The following CSGALNACT2 variants were observed in gnomAD, a reference collection of about 807,000 sequenced individuals.
CSGALNACT2 encodes the protein beta 4 GalNAcT-2.
CSGALNACT2 carries 35 observed loss-of-function variants against 55.3 expected under a neutral mutation model. That is an observed-to-expected ratio of 0.63 (90% CI 0.48 to 0.84). The LOEUF is 0.84. CSGALNACT2 is among the 40% of genes least tolerant of loss of function. The probability of loss-of-function intolerance (pLI) is 0.00; values close to 1 mark genes in which losing one functional copy is unlikely to be tolerated. For synonymous variants in CSGALNACT2, 196 were observed against 224.9 expected (o/e 0.87, Z 1.15); for missense variants, 544 against 657.5 (o/e 0.83, Z 1.89).
intron 1 of CSGALNACT2, among the ~76,000 whole-genome samples, chr10:43,148,103 T>C (rs180676707): frequency 2.0e-5 from 3 of 152,320 alleles, no homozygotes; most frequent in African/African-American, 7.2e-5. Context: ...TTTCATTCTT[T>C]TGCCTGTAAA....
chr10:43,160,521 G>A lies in CSGALNACT2; in HGVS notation c.906G>A (p.Lys302=). 1 of 1,581,212 alleles carries A rather than the reference G, an allele frequency of 6.3e-7. No homozygotes were observed. The highest frequency in any genetic ancestry group is 8.7e-7 in the Non-Finnish European group (1 of 1,151,974). ...ATGTTTGTATTCATCAAGACAAGAA[G>A]ATTCATCTCACAGTGGTGTATTTTG... is the stretch of plus-strand genomic sequence containing the variant. ...FRDVCIHQDK[K]IHLTVVYFGK... Residue 302 remains lysine, a synonymous_variant, in exon 4 of 8, where the codon AAG becomes AAA. Coordinates refer to ENST00000374466, the MANE Select transcript of CSGALNACT2 (RefSeq NM_018590.5).
intron 6 of CSGALNACT2, among the ~76,000 whole-genome samples, chr10:43,171,703 T>G (rs1839386163): frequency 6.6e-6 from 1 of 152,208 alleles, no homozygotes; most frequent in South Asian, 2.1e-4. Flanking sequence ...GAAGAATGAT[T>G]TGAATGCTGA....
At chr10:43,172,695 A>G (rs1839405687) in intron 6 of CSGALNACT2, among the ~76,000 whole-genome samples, 1 of 152,244 alleles carries the variant, frequency 6.6e-6, no homozygotes. Flanking sequence ...ACCCTAACAG[A>G]TATGGCTGTT....
At chr10:43,145,435 A>G (rs1458977024) in intron 1 of CSGALNACT2, among the ~76,000 whole-genome samples, 2 of 22,102 alleles carry the variant, frequency 9.0e-5, no homozygotes, top group African/African-American at 5.1e-4. Context: ...TTTTTTTTTT[A>G]AGAGACAGGG....
At chr10:43,170,950 C>G (rs1487369659) in intron 6 of CSGALNACT2, among the ~76,000 whole-genome samples, 1 of 152,030 alleles carries the variant, frequency 6.6e-6, no homozygotes, top group Non-Finnish European at 1.5e-5. Flanking sequence ...GTCAGGGTCA[C>G]CAAAAACAAG....
chr10:43,169,412 G>T (rs1379912097), intron 6 of CSGALNACT2, among the ~76,000 whole-genome samples: 4 of 152,150 alleles, frequency 2.6e-5, no homozygotes, highest in African/African-American at 9.7e-5. Flanking sequence ...ATATCTTTGA[G>T]GAGATTAGAG....
chr10:43,180,188 CTT>C (rs972231026), intron 7 of CSGALNACT2, among the ~76,000 whole-genome samples: 9 of 152,224 alleles, frequency 5.9e-5, no homozygotes, highest in African/African-American at 9.6e-5. Context: ...AACTTAGACT[CTT>C]TATTTGGAGC....
chr10:43,164,091 TG>T, intron 5 of CSGALNACT2, 47 bp downstream of exon 5: 1 of 1,465,184 alleles, frequency 6.8e-7, no homozygotes, highest in Non-Finnish European at 9.4e-7. Flanking sequence ...TTTAGAACGT[TG>T]TCAGCATGTC....
chr10:43,163,624 G>A (rs184239356), intron 4 of CSGALNACT2: 7 of 985,228 alleles, frequency 7.1e-6, no homozygotes, highest in African/African-American at 1.7e-5. Flanking sequence ...AAGGTCAGTG[G>A]CCACTTTAAC....
intron 7 of CSGALNACT2, among the ~76,000 whole-genome samples, chr10:43,177,134 G>A (rs1363512564): frequency 6.6e-6 from 1 of 152,086 alleles, no homozygotes; most frequent in African/African-American, 2.4e-5. Flanking sequence ...AATAAAAGGG[G>A]CGTTAAATTA....
intron 3 of CSGALNACT2, among the ~76,000 whole-genome samples, chr10:43,160,280 G>A (rs917473353): frequency 6.6e-6 from 1 of 152,202 alleles, no homozygotes; most frequent in African/African-American, 2.4e-5. Context: ...TGAAATAATG[G>A]CAGCAATGTC....
At chr10:43,141,059 A>G (rs1838609573) in intron 1 of CSGALNACT2, among the ~76,000 whole-genome samples, 1 of 152,162 alleles carries the variant, frequency 6.6e-6, no homozygotes, top group Non-Finnish European at 1.5e-5. Flanking sequence ...AAAAAAAGCA[A>G]TTGATTCTTG....
At chr10:43,163,426 C>A in intron 4 of CSGALNACT2, 1 of 755,812 alleles carries the variant, frequency 1.3e-6, no homozygotes, top group Non-Finnish European at 1.6e-6. Flanking sequence ...TGGGAGGTGG[C>A]AGCTGCTTCT....
chr10:43,153,208 G>T (rs192952832), intron 1 of CSGALNACT2, among the ~76,000 whole-genome samples: 1 of 151,674 alleles, frequency 6.6e-6, no homozygotes, highest in Admixed American at 6.6e-5. Flanking sequence ...GGTGGCCGGC[G>T]CTTGTAGTCC....
At chr10:43,141,279 G>A (rs370277177) in intron 1 of CSGALNACT2, among the ~76,000 whole-genome samples, 10 of 151,672 alleles carry the variant, frequency 6.6e-5, no homozygotes, top group Admixed American at 4.6e-4. Context: ...GTGCAGTGGC[G>A]CCATCTCGGC....
intron 1 of CSGALNACT2, among the ~76,000 whole-genome samples, chr10:43,146,913 CTTA>C (rs994621692): frequency 6.9e-5 from 10 of 144,244 alleles, no homozygotes; most frequent in Non-Finnish European, 1.2e-4. Context: ...GTAGTGGTGT[CTTA>C]TTATGGTTTG....
At position 43,155,332 on chromosome 10, in the gene CSGALNACT2, A is replaced by C; in HGVS notation, c.183A>C (p.Leu61=). Residue 61 remains leucine, a synonymous_variant, in exon 2 of 8, where the codon CTA becomes CTC. Coordinates refer to ENST00000374466, the MANE Select transcript of CSGALNACT2 (RefSeq NM_018590.5). ...GTAAAGAGTATTATCAAGCCCTCCT[A>C]CAGGAACAAGAAGAACATTATCAGA... ...NYGKEYYQAL[L]QEQEEHYQTR... 6.2e-7 allele frequency: 1 copy of C among 1,614,162 alleles called. No homozygotes were observed. The highest frequency in any genetic ancestry group is 8.5e-7 in the Non-Finnish European group (1 of 1,180,028).
intron 1 of CSGALNACT2, among the ~76,000 whole-genome samples, chr10:43,146,132 A>C (rs1838741983): frequency 6.6e-6 from 1 of 152,216 alleles, no homozygotes; most frequent in Non-Finnish European, 1.5e-5. Context: ...TCACAAGGTG[A>C]AGTCCCATGA....
At position 43,184,902 on chromosome 10, in the gene CSGALNACT2, A is replaced by G. The variant is rs1839666393; in HGVS notation, c.*1360A>G. 1 of 152,196 alleles carries G rather than the reference A, an allele frequency of 6.6e-6. No individual in the cohort carries two copies. The highest frequency in any genetic ancestry group is 6.5e-5 in the Admixed American group (1 of 15,280). The allele number at this position is 152,196 out of a possible 1,614,324, so 9.4% of individuals were successfully genotyped here. On this transcript the variant is annotated 3_prime_UTR_variant, in exon 8 of 8. Coordinates refer to ENST00000374466, the MANE Select transcript of CSGALNACT2 (RefSeq NM_018590.5). ...CTCAGTAAATCATATCATCTGAAAT[A>G]TTACAAATTTCAAATTTCTAGGTGC...
Sources: allele counts gnomAD v4.1 joint callset (sites outside exome capture counted in the v4.1 genomes callset), GRCh38; gene constraint gnomAD v4.1.1; transcripts MANE v1.5; gene names NCBI Gene and HGNC (gene_info 2026-07-23, HGNC 2026-07-21).